Variants in OSBPL8 observed in about 807,000 individuals in gnomAD.
OSBPL8 encodes the protein oxysterol-binding protein-related protein 8.
A neutral mutation model predicts 125.5 loss-of-function variants in OSBPL8; 59 were observed. That is an observed-to-expected ratio of 0.47 (90% CI 0.38 to 0.58). OSBPL8 has a LOEUF of 0.58. OSBPL8 is among the 20% of genes least tolerant of loss of function. OSBPL8 has a pLI of 0.00. For synonymous variants in OSBPL8, 330 were observed against 338.9 expected, an observed-to-expected ratio of 0.97 and a Z score of 0.29; for missense variants, 758 against 1,047.8, an observed-to-expected ratio of 0.72 and a Z score of 3.82.
rs570647374 is a variant in OSBPL8 at position 76,352,644 on chromosome 12, A to G, written c.*3245T>C. On this transcript the variant is annotated 3_prime_UTR_variant, in exon 24 of 24. Coordinates refer to ENST00000261183, the MANE Select transcript of OSBPL8 (RefSeq NM_020841.5). ...ATTTCTGTACATTTAATATGATTCA[A>G]TATAATCTGCAGTCTCATGTATGGC... 11 of 152,664 alleles carry G rather than the reference A, an allele frequency of 7.2e-5. No individual in the cohort carries two copies. Among genetic ancestry groups the G allele is most frequent in the Middle Eastern group, 3.4e-3 (1 of 294 alleles). 9.5% of individuals were successfully genotyped at this position (152,664 alleles called of 1,614,324 possible). A position where few individuals can be genotyped will look rare whatever the true frequency, so the allele number is the denominator to read the frequency against.
rs564911233 is a variant in OSBPL8 at position 76,510,511 on chromosome 12, T to C, written c.-67-22893A>G. ...AACCAACCATTCATAAAATTTACAG[T>C]TTATAGACCTTAATACCTATTACTG... On this transcript the variant is annotated intron_variant, in intron 1 of 23. Coordinates refer to ENST00000261183, the MANE Select transcript of OSBPL8 (RefSeq NM_020841.5). Among the ~76,000 whole-genome samples the C allele has an allele frequency of 7.2e-5, 11 of 152,316 alleles. No individual in the cohort carries two copies. The East Asian group carries it at 1.5e-3, about 21-fold the overall frequency.
intron 4 of OSBPL8, among the ~76,000 whole-genome samples, chr12:76,448,779 C>A (rs1043088076): frequency 6.6e-6 from 1 of 152,108 alleles, no homozygotes; most frequent in Non-Finnish European, 1.5e-5. Flanking sequence ...CTTTGGGAGG[C>A]CAAGGTGGGC....
At position 76,487,642 on chromosome 12, in the gene OSBPL8, T is replaced by C. The variant is rs74532428; in HGVS notation, c.-67-24A>G. Reference sequence around the variant, plus strand: ...TCCTAAAATAAGAAAATGATATTTATTAGGACTGGTATAAAACTGTGACAA... The same window carrying C: ...TCCTAAAATAAGAAAATGATATTTACTAGGACTGGTATAAAACTGTGACAA... On this transcript the variant is annotated intron_variant, in intron 1 of 23. Coordinates refer to ENST00000261183, the MANE Select transcript of OSBPL8 (RefSeq NM_020841.5). 4.3e-4 allele frequency: 444 copies of C among 1,021,572 alleles called. 4 individuals are homozygous for C. The East Asian group carries it at 0.01, about 24-fold the overall frequency. The allele number at this position is 1,021,572 out of a possible 1,614,324, so 63.3% of individuals were successfully genotyped here.
At chr12:76,545,382 C>T (rs1254775226) in intron 1 of OSBPL8, among the ~76,000 whole-genome samples, 15 of 152,074 alleles carry the variant, frequency 9.9e-5, no homozygotes, top group Non-Finnish European at 1.5e-5. Context: ...ATGAATTTCT[C>T]ATTTATTAAG....
At chr12:76,499,715 G>A (rs1879699263) in intron 1 of OSBPL8, among the ~76,000 whole-genome samples, 1 of 152,052 alleles carries the variant, frequency 6.6e-6, no homozygotes, top group African/African-American at 2.4e-5. Context: ...GCCGGGCATG[G>A]TGGCTAATCC....
intron 1 of OSBPL8, among the ~76,000 whole-genome samples, chr12:76,547,066 A>C (rs1252316485): frequency 6.6e-6 from 1 of 152,236 alleles, no homozygotes; most frequent in Non-Finnish European, 1.5e-5. Flanking sequence ...CATTTTTTAA[A>C]TCTGGCGTGT....
intron 19 of OSBPL8, chr12:76,371,096 G>C (rs1952602230): frequency 6.3e-6 from 1 of 158,456 alleles, no homozygotes; most frequent in African/African-American, 2.4e-5. Flanking sequence ...CCTTTACCTA[G>C]AGTTCTAATG....
At chr12:76,381,996 A>C (rs1461352733) in intron 15 of OSBPL8, among the ~76,000 whole-genome samples, 1 of 152,102 alleles carries the variant, frequency 6.6e-6, no homozygotes, top group Non-Finnish European at 1.5e-5. Context: ...TGGTCTCCCA[A>C]AGTGCTGGGA....
intron 1 of OSBPL8, among the ~76,000 whole-genome samples, chr12:76,516,233 A>G (rs1023986581): frequency 2.0e-5 from 3 of 152,224 alleles, no homozygotes; most frequent in African/African-American, 7.2e-5. Flanking sequence ...TCCCATGTGA[A>G]AAGTGCCCTC....
chr12:76,527,720 A>G (rs1861316938), intron 1 of OSBPL8, among the ~76,000 whole-genome samples: 1 of 152,216 alleles, frequency 6.6e-6, no homozygotes, highest in African/African-American at 2.4e-5. Flanking sequence ...AATGCCTACA[A>G]AAAACATTGA....
chr12:76,414,108 A>G (rs1001534150), intron 4 of OSBPL8, among the ~76,000 whole-genome samples: 3 of 152,144 alleles, frequency 2.0e-5, no homozygotes, highest in Admixed American at 6.5e-5. Context: ...TACGGGTACA[A>G]TTTCACTTTC....
chr12:76,526,269 T>C (rs920853556), intron 1 of OSBPL8, among the ~76,000 whole-genome samples: 3 of 152,220 alleles, frequency 2.0e-5, no homozygotes, highest in Non-Finnish European at 4.4e-5. Context: ...TAGAAAATAA[T>C]TACATCAGTG....
chr12:76,405,632 C>A (rs115456248), intron 5 of OSBPL8, among the ~76,000 whole-genome samples: 2 of 152,290 alleles, frequency 1.3e-5, no homozygotes, highest in East Asian at 3.9e-4. Context: ...TCTGCCATAA[C>A]GTGCAGTCTA....
intron 1 of OSBPL8, among the ~76,000 whole-genome samples, chr12:76,508,030 G>A (rs1880587872): frequency 6.6e-6 from 1 of 151,958 alleles, no homozygotes; most frequent in African/African-American, 2.4e-5. Flanking sequence ...AATTAGCTGG[G>A]CATGGTGGCA....
chr12:76,511,189 G>C (rs1880951852), intron 1 of OSBPL8, among the ~76,000 whole-genome samples: 1 of 152,130 alleles, frequency 6.6e-6, no homozygotes, highest in Non-Finnish European at 1.5e-5. Context: ...ATTATGAACA[G>C]CACTGCAAAG....
intron 5 of OSBPL8, among the ~76,000 whole-genome samples, chr12:76,403,031 T>C (rs1954115842): frequency 1.3e-5 from 2 of 152,214 alleles, no homozygotes; most frequent in Admixed American, 1.3e-4. Flanking sequence ...TTCTATTTTT[T>C]AAGAGTATTT....
chr12:76,389,604 C>T (rs910268753), intron 12 of OSBPL8, 41 bp downstream of exon 12: 1 of 1,393,338 alleles, frequency 7.2e-7, no homozygotes, highest in East Asian at 2.5e-5. Context: ...TTTCTAAAAT[C>T]ATGAAGTATT....
chr12:76,451,469 A>G (rs1444303938), intron 3 of OSBPL8, among the ~76,000 whole-genome samples: 3 of 152,228 alleles, frequency 2.0e-5, no homozygotes, highest in Non-Finnish European at 4.4e-5. Flanking sequence ...TCTAATTTCT[A>G]ATTTTCACGA....
intron 1 of OSBPL8, among the ~76,000 whole-genome samples, chr12:76,520,754 G>A (rs527399378): frequency 5.1e-4 from 78 of 151,980 alleles, no homozygotes; most frequent in African/African-American, 1.6e-3. Context: ...CAAGACGGAG[G>A]AATGAAAGAA....
Sources: allele counts gnomAD v4.1 joint callset (sites outside exome capture counted in the v4.1 genomes callset), GRCh38; gene constraint gnomAD v4.1.1; transcripts MANE v1.5; gene names NCBI Gene and HGNC (gene_info 2026-07-23, HGNC 2026-07-21).